The following ACO2 variants were observed in gnomAD, a reference collection of about 807,000 sequenced individuals.
ACO2 encodes aconitate hydratase, mitochondrial.
In ACO2, 31 loss-of-function variants were observed where a neutral mutation model predicts 84.5. The observed-to-expected ratio is 0.37, with a 90% CI of 0.28 to 0.50. The LOEUF is 0.50. ACO2 is among the 20% of genes least tolerant of loss of function. The probability of loss-of-function intolerance (pLI) is 0.97; values close to 1 mark genes in which losing one functional copy is unlikely to be tolerated. For missense variants in ACO2, 685 were observed against 1,029.3 expected (o/e 0.67, Z 4.58); for synonymous variants, 414 against 412.7 (o/e 1.00, Z -0.04).
chr22:41,485,726 A>T (rs1408969720), intron 1 of ACO2, among the ~76,000 whole-genome samples: 1 of 151,378 alleles, frequency 6.6e-6, no homozygotes, highest in Admixed American at 6.6e-5. Flanking sequence ...TACAGGTGTG[A>T]GCCACGGCGC....
At chr22:41,492,148 G>A (rs1453076723) in intron 1 of ACO2, among the ~76,000 whole-genome samples, 2 of 152,226 alleles carry the variant, frequency 1.3e-5, no homozygotes, top group East Asian at 3.8e-4. Context: ...AATAGGCACA[G>A]AAAGTGCTTG....
intron 1 of ACO2, among the ~76,000 whole-genome samples, chr22:41,498,660 T>G (rs563271924): frequency 6.6e-6 from 1 of 152,222 alleles, no homozygotes; most frequent in Non-Finnish European, 1.5e-5. Context: ...CTTAACAATA[T>G]GGGGACTGTC....
intron 1 of ACO2, among the ~76,000 whole-genome samples, chr22:41,497,347 G>T (rs1050713730): frequency 6.6e-6 from 1 of 152,124 alleles, no homozygotes; most frequent in African/African-American, 2.4e-5. Flanking sequence ...GGGATTACAG[G>T]TGTGAACCAC....
At chr22:41,525,098 G>A (rs1464792335) in intron 13 of ACO2, 95 bp from the exon 14 acceptor site, 3 of 1,593,912 alleles carry the variant, frequency 1.9e-6, no homozygotes. Flanking sequence ...TTCCCTGGGA[G>A]GGGAGGTGGG....
intron 7 of ACO2, 44 bp from the exon 8 acceptor site, chr22:41,518,437 G>T (rs755692788): frequency 6.7e-7 from 1 of 1,494,624 alleles, no homozygotes; most frequent in East Asian, 2.3e-5. Flanking sequence ...CTCAAGAACA[G>T]TTTATGTTTC....
chr22:41,520,116 G>A (rs1171872448), intron 8 of ACO2, 55 bp from the exon 9 acceptor site: 14 of 1,500,684 alleles, frequency 9.3e-6, no homozygotes, highest in South Asian at 2.3e-5. Flanking sequence ...GGCTGTCCCC[G>A]CTTCAAGGTT....
chr22:41,524,830 G>A lies in ACO2; in HGVS notation c.1483-16G>A. On this transcript the variant is annotated splice_polypyrimidine_tract_variant and intron_variant, in intron 12 of 17. Coordinates refer to ENST00000216254, the MANE Select transcript of ACO2 (RefSeq NM_001098.3). ...GCAATTGGTGCTGACCAACAAACTGGCCACCTCCATTTCAGATTGTCACAG... is the reference window on the plus strand; with the variant it reads ...GCAATTGGTGCTGACCAACAAACTGACCACCTCCATTTCAGATTGTCACAG... 1.2e-6 allele frequency: 2 copies of A among 1,614,074 alleles called. No homozygotes were observed. The highest frequency in any genetic ancestry group is 1.7e-6 in the Non-Finnish European group (2 of 1,180,026).
chr22:41,512,918 T>TC (rs1314716897), intron 4 of ACO2, among the ~76,000 whole-genome samples: 2 of 151,986 alleles, frequency 1.3e-5, no homozygotes. Flanking sequence ...AGGTGGCCCT[T>TC]CCCCCCACCT....
chr22:41,510,760 C>T (rs1426340886), intron 3 of ACO2, among the ~76,000 whole-genome samples: 1 of 152,222 alleles, frequency 6.6e-6, no homozygotes, highest in Non-Finnish European at 1.5e-5. Context: ...GCAGTGGGCC[C>T]TTCCCTGTCC....
intron 15 of ACO2, 21 bp downstream of exon 15, chr22:41,526,474 G>T (rs770448518): frequency 4.4e-6 from 7 of 1,602,278 alleles, no homozygotes; most frequent in Admixed American, 3.4e-5. Context: ...GTTGATAGGG[G>T]CAATGCCAGT....
chr22:41,497,577 C>A (rs999493808), intron 1 of ACO2, among the ~76,000 whole-genome samples: 1 of 150,958 alleles, frequency 6.6e-6, no homozygotes, highest in Non-Finnish European at 1.5e-5. Context: ...CCTATCACTA[C>A]AAAAAATAAA....
rs374863468 is a variant in ACO2, at chr22:41,488,064, T to G, written c.37-11662T>G. Among the ~76,000 whole-genome samples the G allele has an allele frequency of 2.2e-4, 33 of 152,288 alleles. No individual in the cohort carries two copies. In the East Asian group the frequency reaches 4.8e-3, roughly 22 times the overall value. On this transcript the variant is annotated intron_variant, in intron 1 of 17. Transcript: ENST00000216254. The stretch of plus-strand genomic sequence containing the variant: ...AATCTTGCCTACTTTTGCGCTTGAT[T>G]GCTCATATTTCTGTGGCCTCACTGA...
chr22:41,527,295 G>A lies in ACO2; in HGVS notation c.1961G>A (p.Gly654Asp). 1 of 1,614,220 alleles carries A rather than the reference G, an allele frequency of 6.2e-7. No homozygotes were observed. Among genetic ancestry groups the A allele is most frequent in the Non-Finnish European group, 8.5e-7 (1 of 1,180,026 alleles). ...PDTARYYKKH[G>D]IRWVVIGDEN... Reference sequence around the variant, plus strand: ...CCCCCGCTTGCCTGACAGAAACATGGCATCAGGTGGGTGGTGATCGGAGAC... The same window carrying A: ...CCCCCGCTTGCCTGACAGAAACATGACATCAGGTGGGTGGTGATCGGAGAC... The change falls in exon 16 of 18, where the codon GGC (glycine) becomes GAC (aspartate). Residue 654 changes from glycine (G) to aspartate (D), a missense_variant. Physicochemically the swap from Gly to Asp is moderately conservative, Grantham distance 94 (BLOSUM62 -1). Transcript: ENST00000216254.
intron 1 of ACO2, among the ~76,000 whole-genome samples, chr22:41,490,502 T>G (rs1471108324): frequency 6.6e-6 from 1 of 152,226 alleles, no homozygotes; most frequent in Non-Finnish European, 1.5e-5. Context: ...ATTCAATCAG[T>G]GCCCTGTGTA....
rs1352677284 is a variant in ACO2 at position 41,517,508 on chromosome 22, G to C, written c.836-19G>C. ...TGGCCCGGCCACCAGCCAATGCCCGGGGCTCTGTTGCTCCACAGGCATGGC... is the reference window on the plus strand; with the variant it reads ...TGGCCCGGCCACCAGCCAATGCCCGCGGCTCTGTTGCTCCACAGGCATGGC... On this transcript the variant is annotated intron_variant, in intron 6 of 17. Coordinates refer to ENST00000216254, the MANE Select transcript of ACO2 (RefSeq NM_001098.3). The C allele has an allele frequency of 2.5e-6, 4 of 1,610,330 alleles. No homozygotes were observed. Among genetic ancestry groups the C allele is most frequent in the Non-Finnish European group, 3.4e-6 (4 of 1,177,614 alleles).
rs927212539 is a variant in ACO2, at chr22:41,527,831, G to C, written c.2087-70G>C. 8 of 1,611,212 alleles carry C rather than the reference G, an allele frequency of 5.0e-6. No individual in the cohort carries two copies. The East Asian group carries it at 6.7e-5, about 13-fold the overall frequency. On this transcript the variant is annotated intron_variant, in intron 16 of 17. Transcript: ENST00000216254. Reference sequence around the variant, plus strand: ...ATTAGGGGCATCTCCCAGAGCCCCAGATGGGTTCAGAAAATGAAGCTCTCC... The same window carrying C: ...ATTAGGGGCATCTCCCAGAGCCCCACATGGGTTCAGAAAATGAAGCTCTCC...
chr22:41,515,670 A>T lies in ACO2; in HGVS notation c.685-97A>T. Reference sequence around the variant, plus strand: ...TCTTCTGGGAGGGAGGTAGAGACCAATAAGCAGCAATGTGAATGGCAGCAG... The same window carrying T: ...TCTTCTGGGAGGGAGGTAGAGACCATTAAGCAGCAATGTGAATGGCAGCAG... On this transcript the variant is annotated intron_variant, in intron 5 of 17. Coordinates refer to ENST00000216254, the MANE Select transcript of ACO2 (RefSeq NM_001098.3). The surrounding 1 kb of genome is among the most constrained non-coding windows in gnomAD (Gnocchi z 5.8). The T allele has an allele frequency of 6.2e-7, 1 of 1,600,324 alleles. No homozygotes were observed. The highest frequency in any genetic ancestry group is 8.5e-7 in the Non-Finnish European group (1 of 1,171,516).
At position 41,515,937 on chromosome 22, in the gene ACO2, G is replaced by A. The variant is rs199847369; in HGVS notation, c.835+20G>A. On this transcript the variant is annotated intron_variant, in intron 6 of 17. Coordinates refer to ENST00000216254, the MANE Select transcript of ACO2 (RefSeq NM_001098.3). This position sits in a 1 kb window ranked among gnomAD's most constrained non-coding sequence, Gnocchi z 5.8. ...GCACTGGTGAGGAAGGCGGCCAGGC[G>A]ACGTGGCCCCTACCCTGTGCTGGGC... 12 of 1,609,270 alleles carry A rather than the reference G, an allele frequency of 7.5e-6. No homozygotes were observed. The African/African-American group carries it at 9.3e-5, about 13-fold the overall frequency.
intron 4 of ACO2, among the ~76,000 whole-genome samples, chr22:41,513,214 C>G (rs774883500): frequency 6.6e-6 from 1 of 152,232 alleles, no homozygotes; most frequent in Non-Finnish European, 1.5e-5. Flanking sequence ...AGGTGTCTCC[C>G]TTTCTACCTC....
Sources: allele counts gnomAD v4.1 joint callset (sites outside exome capture counted in the v4.1 genomes callset), GRCh38; gene constraint gnomAD v4.1.1; non-coding constraint Gnocchi (gnomAD v3.1); transcripts MANE v1.5; gene names NCBI Gene and HGNC (gene_info 2026-07-23, HGNC 2026-07-21).